Variants in ACOT11 observed in about 807,000 individuals in gnomAD.
ACOT11 encodes the protein acyl-CoA thioesterase 11, also known as acyl-coenzyme A thioesterase 11.
A neutral mutation model predicts 77.5 loss-of-function variants in ACOT11; 69 were observed. That is an observed-to-expected ratio of 0.89 (90% CI 0.73 to 1.09). The LOEUF is 1.09. Ranked by LOEUF, ACOT11 falls within the 50% of genes least tolerant of loss-of-function variation. ACOT11 has a pLI of 0.00. For missense variants in ACOT11, 766 were observed against 813.7 expected (o/e 0.94, Z 0.71); for synonymous variants, 279 against 313.0 (o/e 0.89, Z 1.15).
intron 15 of ACOT11, among the ~76,000 whole-genome samples, chr1:54,625,342 T>C (rs1249379252): frequency 6.6e-6 from 1 of 152,058 alleles, no homozygotes; most frequent in African/African-American, 2.4e-5. Flanking sequence ...TGCTCTGGGG[T>C]CTGCTCAGGA....
intron 1 of ACOT11, among the ~76,000 whole-genome samples, chr1:54,553,968 C>T (rs1301894497): frequency 6.6e-6 from 1 of 151,990 alleles, no homozygotes; most frequent in Non-Finnish European, 1.5e-5. Context: ...GAGCTCAGGA[C>T]TTCGAGGCCA....
intron 1 of ACOT11, among the ~76,000 whole-genome samples, chr1:54,563,073 G>A (rs386020): frequency 0.017 from 2,520 of 151,062 alleles, 57 homozygotes; most frequent in African/African-American, 0.058. Context: ...CCTTGCCCTC[G>A]GGCCCTGCGG....
At chr1:54,634,522 G>A (rs1017835626) in intron 16 of ACOT11, among the ~76,000 whole-genome samples, 2 of 152,098 alleles carry the variant, frequency 1.3e-5, no homozygotes, top group African/African-American at 4.8e-5. Context: ...ATTTCATACC[G>A]ATGAACAACT....
Position 54,609,429 on chromosome 1 carries a change from G to T in ACOT11, c.*317G>T, listed in dbSNP as rs1194970470. The T allele has an allele frequency of 6.2e-7, 1 of 1,613,874 alleles. No individual in the cohort carries two copies. Among genetic ancestry groups the T allele is most frequent in the Admixed American group, 1.7e-5 (1 of 60,032 alleles). ...TGCTCCACTGTGACGGTGGCCCGGGGGGAGGATGCCAGCAGCCTGCCTATG... is the reference window on the plus strand; with the variant it reads ...TGCTCCACTGTGACGGTGGCCCGGGTGGAGGATGCCAGCAGCCTGCCTATG... On this transcript the variant is annotated 3_prime_UTR_variant, in exon 16 of 16. Coordinates refer to ENST00000343744, the MANE Select transcript of ACOT11 (RefSeq NM_147161.4).
At chr1:54,562,448 T>TC (rs1653552775) in intron 1 of ACOT11, among the ~76,000 whole-genome samples, 1 of 45,300 alleles carries the variant, frequency 2.2e-5, no homozygotes, top group South Asian at 9.6e-4. Context: ...GGGGGGCTGA[T>TC]CCCCCCACCT....
chr1:54,613,353 T>A (rs1359137687), downstream of ACOT11, among the ~76,000 whole-genome samples: 1 of 151,928 alleles, frequency 6.6e-6, no homozygotes. Context: ...CATTCCAACT[T>A]GGGCAACAGA....
rs1246695485 is a variant in ACOT11 at position 54,568,088 on chromosome 1, G to T, written c.34-16567G>T. 2.0e-5 allele frequency among the ~76,000 whole-genome samples: 3 copies of T among 152,078 alleles called. No homozygotes were observed. The East Asian group carries it at 5.8e-4, about 29-fold the overall frequency. On this transcript the variant is annotated intron_variant, in intron 1 of 15. Transcript: ENST00000343744. Reference sequence around the variant, plus strand: ...GTTCTTCCTCTGACAGCCGGTCCCTGCGCTTCCTTGGGGTTTTTGCACTGT... The same window carrying T: ...GTTCTTCCTCTGACAGCCGGTCCCTTCGCTTCCTTGGGGTTTTTGCACTGT...
At position 54,601,269 on chromosome 1, in the gene ACOT11, C is replaced by T; in HGVS notation, c.885C>T (p.Ser295=). ...TGGAAGCCACACTCCCTCCCCTCAG[C>T]ATGGAGGTGGGCGTGTGCGTGGAGG... ...KAIVNNAFKH[S]MEVGVCVEAY... is the part of the protein sequence containing the mutation. The change falls in exon 9 of 16, where the codon AGC becomes AGT. Residue 295 remains serine (S), a splice_region_variant and synonymous_variant. Coordinates refer to ENST00000343744, the MANE Select transcript of ACOT11 (RefSeq NM_147161.4). The T allele has an allele frequency of 6.2e-7, 1 of 1,610,154 alleles. No homozygotes were observed. The highest frequency in any genetic ancestry group is 8.5e-7 in the Non-Finnish European group (1 of 1,179,684).
rs1263338885 is a variant in ACOT11, at chr1:54,554,309, G to A, written c.33+5967G>A. On this transcript the variant is annotated intron_variant, in intron 1 of 15. Transcript: ENST00000343744. ...TTCCATAGTGTGTGTGTGTGTGTGT[G>A]TGTGTGTGTGTGTGTGTGTGTGTGT... 4.9e-4 allele frequency among the ~76,000 whole-genome samples: 37 copies of A among 76,034 alleles called. No homozygotes were observed. The East Asian group carries it at 0.011, about 23-fold the overall frequency. 49.9% of individuals were successfully genotyped at this position (76,034 alleles called of 152,430 possible).
intron 15 of ACOT11, chr1:54,630,617 T>C: frequency 1.9e-6 from 1 of 526,110 alleles, no homozygotes; most frequent in Non-Finnish European, 3.5e-6. Flanking sequence ...ACTGGTTTGC[T>C]GTTAATAAAT....
At chr1:54,597,214 T>A in intron 6 of ACOT11, 45 bp from the exon 7 acceptor site, 1 of 1,603,202 alleles carries the variant, frequency 6.2e-7, no homozygotes, top group Non-Finnish European at 8.5e-7. Flanking sequence ...CCCTTGGGAA[T>A]GTTCTCACCT....
At chr1:54,626,951 G>C (rs1442450429) in intron 15 of ACOT11, among the ~76,000 whole-genome samples, 3 of 133,962 alleles carry the variant, frequency 2.2e-5, no homozygotes, top group African/African-American at 7.6e-5. Flanking sequence ...TCTGCCCCCT[G>C]GGTTCAAGTG....
chr1:54,590,376 G>C (rs1042048231), intron 3 of ACOT11, among the ~76,000 whole-genome samples: 4 of 152,134 alleles, frequency 2.6e-5, no homozygotes, highest in African/African-American at 9.7e-5. Context: ...AAGGGTGTCC[G>C]GGAGCTCCGG....
chr1:54,609,578 T>G lies in ACOT11; in HGVS notation c.*466T>G, dbSNP rs370276349. 7 of 1,612,924 alleles carry G rather than the reference T, an allele frequency of 4.3e-6. No individual in the cohort carries two copies. In the African/African-American group the frequency reaches 9.3e-5, roughly 22 times the overall value. On this transcript the variant is annotated 3_prime_UTR_variant, in exon 16 of 16. Coordinates refer to ENST00000343744, the MANE Select transcript of ACOT11 (RefSeq NM_147161.4). ...TTCCCTGTAGCCACTGCCCAGCACC[T>G]CCTCAGGCCAGCCTGGTGCCACAGT... is the stretch of plus-strand genomic sequence containing the variant.
chr1:54,614,759 G>A, downstream of ACOT11: 3 of 1,614,130 alleles, frequency 1.9e-6, no homozygotes, highest in Non-Finnish European at 2.5e-6. Flanking sequence ...TGTCAGCGTT[G>A]ATCCATATGG....
chr1:54,574,890 C>T (rs1045970488), intron 1 of ACOT11, among the ~76,000 whole-genome samples: 7 of 152,266 alleles, frequency 4.6e-5, no homozygotes, highest in Admixed American at 6.5e-5. Context: ...CTTCCTCACA[C>T]GTGCACAAAA....
chr1:54,635,289 G>A lies in ACOT11; in HGVS notation c.*560G>A, dbSNP rs1053539576. 3.2e-5 allele frequency: 7 copies of A among 216,966 alleles called. No homozygotes were observed. In the South Asian group the frequency reaches 3.6e-4, roughly 11 times the overall value. 13.4% of individuals were successfully genotyped at this position (216,966 alleles called of 1,614,324 possible). On this transcript the variant is annotated 3_prime_UTR_variant, in exon 17 of 17. Coordinates refer to the ACOT11 transcript ENST00000371316. ...TTGCACCTCTCAGTCTGCATGCCACGGTCACACTATGTTCAGATGATCTGA... is the reference window on the plus strand; with the variant it reads ...TTGCACCTCTCAGTCTGCATGCCACAGTCACACTATGTTCAGATGATCTGA...
chr1:54,620,268 G>T (rs1260926742), intron 15 of ACOT11, among the ~76,000 whole-genome samples: 1 of 152,232 alleles, frequency 6.6e-6, no homozygotes, highest in Non-Finnish European at 1.5e-5. Flanking sequence ...GGAAGACCTT[G>T]AAGGATGGGT....
chr1:54,601,318 C>T lies in ACOT11; in HGVS notation c.934C>T (p.His312Tyr), dbSNP rs768671287. The part of the protein sequence containing the change: ...VEAYRQEAET[H>Y]RRHINSAFMT... ...GGCCTATCGCCAGGAGGCTGAGACC[C>T]ACCGGCGCCACATCAACAGTGCCTT... Residue 312 changes from histidine (H) to tyrosine (Y), a missense_variant, in exon 9 of 16, where the codon CAC (histidine) becomes TAC (tyrosine). Physicochemically the swap from His to Tyr is moderately conservative, Grantham distance 83. Transcript: ENST00000343744. 2.5e-6 allele frequency: 4 copies of T among 1,613,324 alleles called. No individual in the cohort carries two copies. In the South Asian group the frequency reaches 4.4e-5, roughly 18 times the overall value.
Sources: gnomAD v4.1 joint callset for allele counts (sites outside exome capture counted in the v4.1 genomes callset) on GRCh38, gnomAD v4.1.1 for gene constraint, MANE v1.5 for transcripts, NCBI Gene and HGNC (gene_info 2026-07-23, HGNC 2026-07-21) for gene names.